ACO2: variants seen among roughly 807,000 people sequenced by gnomAD.
The protein encoded by ACO2 is aconitase 2, also known as aconitate hydratase, mitochondrial.
In ACO2, 31 loss-of-function variants were observed where a neutral mutation model predicts 84.5. That is an observed-to-expected ratio of 0.37 (90% CI 0.28 to 0.50). ACO2 has a LOEUF of 0.50. Ranked by LOEUF, ACO2 falls within the 20% of genes least tolerant of loss-of-function variation. ACO2 has a pLI of 0.97. For synonymous variants in ACO2, 414 were observed against 412.7 expected (o/e 1.00, Z -0.04); for missense variants, 685 against 1,029.3 (o/e 0.67, Z 4.58).
At chr22:41,523,475 C>T (rs1032714690) in intron 11 of ACO2, among the ~76,000 whole-genome samples, 197 bp downstream of exon 11, 5 of 152,216 alleles carry the variant, frequency 3.3e-5, no homozygotes, top group Non-Finnish European at 5.9e-5. Flanking sequence ...TGCAGAGGCA[C>T]TGGGGGGCAA....
intron 1 of ACO2, among the ~76,000 whole-genome samples, chr22:41,483,725 G>C (rs2038116956): frequency 6.6e-6 from 1 of 151,400 alleles, no homozygotes. Context: ...AAATAATACT[G>C]GGCTGGGCAT....
chr22:41,527,204 T>G, intron 15 of ACO2, 84 bp from the exon 16 acceptor site: 1 of 1,597,334 alleles, frequency 6.3e-7, no homozygotes, highest in Non-Finnish European at 8.6e-7. Flanking sequence ...AGGCGCCAGG[T>G]GGGTGAGGCC....
intron 14 of ACO2, 171 bp from the exon 15 acceptor site, chr22:41,526,091 C>T: frequency 1.7e-6 from 1 of 603,096 alleles, no homozygotes; most frequent in Non-Finnish European, 2.9e-6. Flanking sequence ...CCCATGTGGC[C>T]TTAGGGTGGA....
At chr22:41,502,211 C>T (rs1334562159) in intron 2 of ACO2, among the ~76,000 whole-genome samples, 1 of 152,112 alleles carries the variant, frequency 6.6e-6, no homozygotes, top group Non-Finnish European at 1.5e-5. Flanking sequence ...GGCCCCACTC[C>T]CAGCAATTCT....
chr22:41,521,778 C>CTTT (rs1041027606), intron 9 of ACO2, among the ~76,000 whole-genome samples: 3 of 143,236 alleles, frequency 2.1e-5, no homozygotes, highest in South Asian at 2.2e-4. Context: ...AATCCCAACC[C>CTTT]TTTTTTTTTT....
intron 1 of ACO2, among the ~76,000 whole-genome samples, chr22:41,496,049 C>T (rs542489802): frequency 7.9e-4 from 120 of 152,072 alleles, no homozygotes; most frequent in African/African-American, 2.9e-3. Flanking sequence ...TGGTGGCTCA[C>T]ACCTGTAATC....
intron 9 of ACO2, among the ~76,000 whole-genome samples, chr22:41,521,035 C>CAAAAAAAAAAAAAAAAA (rs375633363): frequency 1.2e-5 from 1 of 81,634 alleles, no homozygotes; most frequent in Non-Finnish European, 2.2e-5. Flanking sequence ...AGCCTGCCTC[C>CAAAAAAAAAAAAAAAAA]AAAAAAAAAA....
intron 8 of ACO2, 33 bp from the exon 9 acceptor site, chr22:41,520,138 C>T (rs758396103): frequency 1.3e-6 from 2 of 1,586,414 alleles, no homozygotes; most frequent in Non-Finnish European, 1.7e-6. Flanking sequence ...CTTCCCTCCT[C>T]TCTTTCTTCT....
intron 9 of ACO2, chr22:41,521,497 C>T (rs1044860429): frequency 2.0e-5 from 3 of 152,314 alleles, no homozygotes; most frequent in Middle Eastern, 3.4e-3. Context: ...GAGTCATGAT[C>T]GTACTGACAC....
chr22:41,524,064 T>G, intron 12 of ACO2, 123 bp downstream of exon 12: 2 of 788,606 alleles, frequency 2.5e-6, no homozygotes, highest in East Asian at 2.7e-5. Context: ...GCTACAGGCC[T>G]TCCCAGCCTC....
At chr22:41,513,873 C>T (rs7290508) in intron 4 of ACO2, among the ~76,000 whole-genome samples, 378 of 152,158 alleles carry the variant, frequency 2.5e-3, no homozygotes, top group African/African-American at 8.8e-3. Flanking sequence ...CCAGCGTCAT[C>T]GTGACATCTT....
At chr22:41,494,585 A>G (rs1214179132) in intron 1 of ACO2, among the ~76,000 whole-genome samples, 1 of 147,306 alleles carries the variant, frequency 6.8e-6, no homozygotes, top group Non-Finnish European at 1.5e-5. Flanking sequence ...CTAATATTGT[A>G]TATTTAGTGG....
chr22:41,524,834 C>T lies in ACO2; in HGVS notation c.1483-12C>T, dbSNP rs908185988. ...TTGGTGCTGACCAACAAACTGGCCA[C>T]CTCCATTTCAGATTGTCACAGCCCT... On this transcript the variant is annotated splice_polypyrimidine_tract_variant and intron_variant, in intron 12 of 17. Coordinates refer to ENST00000216254, the MANE Select transcript of ACO2 (RefSeq NM_001098.3). 1 of 1,614,044 alleles carries T rather than the reference C, an allele frequency of 6.2e-7. No individual in the cohort carries two copies. Among genetic ancestry groups the T allele is most frequent in the African/African-American group, 1.3e-5 (1 of 74,944 alleles).
chr22:41,478,021 C>T (rs1260611067), intron 1 of ACO2, among the ~76,000 whole-genome samples: 1 of 151,796 alleles, frequency 6.6e-6, no homozygotes, highest in Admixed American at 6.6e-5. Context: ...GCCGAGATCA[C>T]GCTGCTGCAC....
rs571707739 is a variant in ACO2, at chr22:41,519,934, C to G, written c.1033-237C>G. Reference sequence around the variant, plus strand: ...ATGTGACTTCAAGCACAGCATGTCACTTCTGAGCTTCAGTTCCTTCATCTG... The same window carrying G: ...ATGTGACTTCAAGCACAGCATGTCAGTTCTGAGCTTCAGTTCCTTCATCTG... On this transcript the variant is annotated intron_variant, in intron 8 of 17. Coordinates refer to ENST00000216254, the MANE Select transcript of ACO2 (RefSeq NM_001098.3). 5.9e-5 allele frequency among the ~76,000 whole-genome samples: 9 copies of G among 152,352 alleles called. No homozygotes were observed. The South Asian group carries it at 1.9e-3, about 32-fold the overall frequency.
chr22:41,506,770 G>A (rs1386692056), intron 2 of ACO2, among the ~76,000 whole-genome samples: 1 of 152,134 alleles, frequency 6.6e-6, no homozygotes, highest in African/African-American at 2.4e-5. Context: ...CCTGTCAGGT[G>A]TGGGTTGAAC....
At chr22:41,503,112 T>C (rs974850736) in intron 2 of ACO2, among the ~76,000 whole-genome samples, 2 of 152,206 alleles carry the variant, frequency 1.3e-5, no homozygotes, top group Non-Finnish European at 2.9e-5. Flanking sequence ...CATTAAACAA[T>C]TAATAACAAC....
At chr22:41,506,548 C>T (rs375626393) in intron 2 of ACO2, among the ~76,000 whole-genome samples, 15 of 152,226 alleles carry the variant, frequency 9.9e-5, no homozygotes, top group Admixed American at 2.6e-4. Context: ...CCACCGCACC[C>T]GGCCTCATTC....
chr22:41,513,860 C>A (rs530079645), intron 4 of ACO2, among the ~76,000 whole-genome samples: 12 of 152,244 alleles, frequency 7.9e-5, no homozygotes, highest in African/African-American at 2.7e-4. Flanking sequence ...CTCACTGTCA[C>A]GGCCAGCGTC....
Sources: gnomAD v4.1 joint callset for allele counts (sites outside exome capture counted in the v4.1 genomes callset) on GRCh38, gnomAD v4.1.1 for gene constraint, MANE v1.5 for transcripts, NCBI Gene and HGNC (gene_info 2026-07-23, HGNC 2026-07-21) for gene names.